The following ZNF804B variants were observed in gnomAD, a reference collection of about 807,000 sequenced individuals.
ZNF804B encodes zinc finger 804B.
A neutral mutation model predicts 101.4 loss-of-function variants in ZNF804B; 80 were observed. The observed-to-expected ratio is 0.79, with a 90% CI of 0.66 to 0.95. The LOEUF is 0.95. Ranked by LOEUF, ZNF804B falls within the 40% of genes least tolerant of loss-of-function variation. The probability of loss-of-function intolerance (pLI) is 0.00; values close to 1 mark genes in which losing one functional copy is unlikely to be tolerated. For missense variants in ZNF804B, 1,673 were observed against 1,561.9 expected (o/e 1.07, Z -1.20); for synonymous variants, 622 against 558.8 (o/e 1.11, Z -1.59).
intron 2 of ZNF804B, among the ~76,000 whole-genome samples, chr7:89,260,347 C>CTTT: frequency 6.7e-6 from 1 of 149,428 alleles, no homozygotes; most frequent in African/African-American, 2.4e-5. Context: ...CTTTGTGGCA[C>CTTT]TTTTTTTTTT....
At chr7:88,930,820 G>C (rs1792871793) in intron 1 of ZNF804B, among the ~76,000 whole-genome samples, 1 of 151,822 alleles carries the variant, frequency 6.6e-6, no homozygotes, top group African/African-American at 2.4e-5. Context: ...GCAGAATCAT[G>C]CAGGCGTTCC....
intron 1 of ZNF804B, among the ~76,000 whole-genome samples, chr7:89,006,101 C>T (rs1007047005): frequency 4.6e-5 from 7 of 152,042 alleles, no homozygotes; most frequent in Admixed American, 2.6e-4. Flanking sequence ...GTATAGCTGA[C>T]TGTGCTGGAA....
Position 89,334,305 on chromosome 7 carries a change from A to G in ZNF804B, c.1323A>G (p.Leu441=), listed in dbSNP as rs1381220416. 6.2e-7 allele frequency: 1 copy of G among 1,613,846 alleles called. No homozygotes were observed. The highest frequency in any genetic ancestry group is 8.5e-7 in the Non-Finnish European group (1 of 1,179,850). The change falls in exon 4 of 4, where the codon CTA becomes CTG. Residue 441 remains leucine, a synonymous_variant. Coordinates refer to ENST00000333190, the MANE Select transcript of ZNF804B (RefSeq NM_181646.5). ...ACTHNVASKP[L]PFLHVQSKDG... ...CCCATAATGTGGCATCTAAACCACT[A>G]CCTTTTCTCCACGTTCAAAGCAAGG...
At chr7:89,060,330 G>A (rs1789360346) in intron 1 of ZNF804B, among the ~76,000 whole-genome samples, 1 of 152,118 alleles carries the variant, frequency 6.6e-6, no homozygotes, top group Non-Finnish European at 1.5e-5. Flanking sequence ...CAACATAATG[G>A]AAGAGAGCTG....
At chr7:89,175,676 C>A (rs1322231229) in intron 1 of ZNF804B, among the ~76,000 whole-genome samples, 2 of 151,198 alleles carry the variant, frequency 1.3e-5, no homozygotes, top group South Asian at 4.2e-4. Context: ...CACATTTTAA[C>A]AATATTAACT....
At chr7:89,193,807 T>C (rs1299393110) in intron 1 of ZNF804B, among the ~76,000 whole-genome samples, 1 of 152,126 alleles carries the variant, frequency 6.6e-6, no homozygotes, top group Non-Finnish European at 1.5e-5. Flanking sequence ...GCATGATTTA[T>C]AGTCCTTTGG....
intron 1 of ZNF804B, among the ~76,000 whole-genome samples, chr7:89,048,075 T>C (rs75204813): frequency 6.6e-6 from 1 of 152,206 alleles, no homozygotes; most frequent in East Asian, 1.9e-4. Flanking sequence ...ACACTATTCG[T>C]AGTCTTTTAT....
chr7:88,990,039 T>C (rs1793822314), intron 1 of ZNF804B, among the ~76,000 whole-genome samples: 1 of 152,050 alleles, frequency 6.6e-6, no homozygotes, highest in Non-Finnish European at 1.5e-5. Flanking sequence ...ATAAATCACC[T>C]ATTGTGGTTC....
chr7:88,781,795 G>C (rs1352950772), intron 1 of ZNF804B, among the ~76,000 whole-genome samples: 1 of 152,060 alleles, frequency 6.6e-6, no homozygotes, highest in Non-Finnish European at 1.5e-5. Context: ...GTGTGAGTAG[G>C]TTCCTTTGAA....
At chr7:89,181,208 C>G (rs949809324) in intron 1 of ZNF804B, among the ~76,000 whole-genome samples, 4 of 152,086 alleles carry the variant, frequency 2.6e-5, no homozygotes, top group Non-Finnish European at 5.9e-5. Context: ...TGGTGTCTCA[C>G]TGGGTTGTGT....
In ZNF804B at chr7:89,334,954, T is replaced by G; in HGVS notation, c.1972T>G (p.Ser658Ala). The change falls in exon 4 of 4, where the codon TCC becomes GCC. Residue 658 changes from serine (S) to alanine (A), a missense_variant. By Grantham distance (99) the Ser-to-Ala change is moderately conservative. Transcript: ENST00000333190. The part of the protein sequence containing the change: ...FEDERQFNCK[S>A]SPCTVGGHSD... Reference sequence around the variant, plus strand: ...AGATGAAAGACAATTCAACTGCAAGTCCAGTCCTTGTACAGTAGGGGGTCA... The same window carrying G: ...AGATGAAAGACAATTCAACTGCAAGGCCAGTCCTTGTACAGTAGGGGGTCA... 1 of 1,613,936 alleles carries G rather than the reference T, an allele frequency of 6.2e-7. No homozygotes were observed.
At chr7:89,033,914 T>A (rs1435822109) in intron 1 of ZNF804B, among the ~76,000 whole-genome samples, 1 of 152,158 alleles carries the variant, frequency 6.6e-6, no homozygotes, top group Non-Finnish European at 1.5e-5. Context: ...GATCATTTAT[T>A]GCATCATTTT....
At chr7:88,837,394 T>C (rs2115796794) in intron 1 of ZNF804B, among the ~76,000 whole-genome samples, 1 of 152,082 alleles carries the variant, frequency 6.6e-6, no homozygotes, top group South Asian at 2.1e-4. Flanking sequence ...CTTAGATTTT[T>C]CTGATAAGGA....
chr7:89,239,520 T>G (rs1028161793), intron 2 of ZNF804B, among the ~76,000 whole-genome samples: 3 of 152,138 alleles, frequency 2.0e-5, no homozygotes, highest in African/African-American at 7.2e-5. Context: ...ATACCTTAAA[T>G]GTATATCACT....
intron 1 of ZNF804B, among the ~76,000 whole-genome samples, chr7:88,869,905 G>A (rs1263463267): frequency 6.6e-6 from 1 of 152,206 alleles, no homozygotes; most frequent in Admixed American, 6.5e-5. Flanking sequence ...AGATGTATCA[G>A]CCAGAGGTCA....
intron 1 of ZNF804B, among the ~76,000 whole-genome samples, chr7:88,958,062 T>G (rs973593863): frequency 1.3e-5 from 2 of 151,324 alleles, no homozygotes; most frequent in African/African-American, 4.8e-5. Flanking sequence ...ATCAGGTGAT[T>G]GCTTTCTAGA....
chr7:89,100,824 T>G (rs947224322), intron 1 of ZNF804B, among the ~76,000 whole-genome samples: 6 of 152,012 alleles, frequency 3.9e-5, no homozygotes, highest in African/African-American at 1.4e-4. Context: ...TGTAACAAAT[T>G]ATCTCACATA....
chr7:89,245,042 T>C (rs949069465), intron 2 of ZNF804B, among the ~76,000 whole-genome samples: 1 of 152,060 alleles, frequency 6.6e-6, no homozygotes, highest in African/African-American at 2.4e-5. Flanking sequence ...AAAAATCTCA[T>C]GGACAAAATT....
chr7:88,881,003 T>C (rs966091881), intron 1 of ZNF804B, among the ~76,000 whole-genome samples: 66 of 152,064 alleles, frequency 4.3e-4, no homozygotes, highest in African/African-American at 1.5e-3. Flanking sequence ...ACAAAAGGCA[T>C]CTCATAACTC....
Sources: gnomAD v4.1 joint callset for allele counts (sites outside exome capture counted in the v4.1 genomes callset) on GRCh38, gnomAD v4.1.1 for gene constraint, MANE v1.5 for transcripts, NCBI Gene and HGNC (gene_info 2026-07-23, HGNC 2026-07-21) for gene names.